PCDH9: variants seen among roughly 807,000 people sequenced by gnomAD.
The protein encoded by PCDH9 is protocadherin 9, also known as protocadherin-9.
In PCDH9, 24 loss-of-function variants were observed where a neutral mutation model predicts 70.6. That is an observed-to-expected ratio of 0.34 (90% CI 0.25 to 0.48). The LOEUF is 0.48. Among genes scored for constraint, PCDH9 ranks in the 20% least tolerant of loss-of-function variants. PCDH9 has a pLI of 0.99. For missense variants in PCDH9, 1,281 were observed against 1,503.6 expected, an observed-to-expected ratio of 0.85 and a Z score of 2.45; for synonymous variants, 562 against 558.5, an observed-to-expected ratio of 1.01 and a Z score of -0.09.
intron 3 of PCDH9, among the ~76,000 whole-genome samples, chr13:66,822,136 G>GCACACACACA (rs10701113): frequency 1.1e-3 from 165 of 149,262 alleles, no homozygotes; most frequent in Middle Eastern, 3.4e-3. Flanking sequence ...TCACACACGC[G>GCACACACACA]CACACACACA....
intron 4 of PCDH9, among the ~76,000 whole-genome samples, chr13:66,566,077 G>T (rs1419098643): frequency 6.6e-6 from 1 of 152,154 alleles, no homozygotes; most frequent in Non-Finnish European, 1.5e-5. Flanking sequence ...ATGCCACAGG[G>T]TGAAGCTAGG....
At chr13:67,049,856 A>G (rs1566389034) in intron 2 of PCDH9, among the ~76,000 whole-genome samples, 1 of 152,230 alleles carries the variant, frequency 6.6e-6, no homozygotes, top group Non-Finnish European at 1.5e-5. Context: ...TGTTCTGCAG[A>G]ACTGCATGCA....
intron 2 of PCDH9, among the ~76,000 whole-genome samples, chr13:66,919,019 C>T (rs2082599711): frequency 6.6e-6 from 1 of 151,210 alleles, no homozygotes; most frequent in Non-Finnish European, 1.5e-5. Context: ...TAATCTCTCC[C>T]CTCCTGTATG....
chr13:66,473,841 T>A (rs1958666911), intron 4 of PCDH9, among the ~76,000 whole-genome samples: 1 of 152,162 alleles, frequency 6.6e-6, no homozygotes, highest in South Asian at 2.1e-4. Context: ...CATATCTGGC[T>A]CTCTATCTCC....
chr13:66,531,313 A>G (rs1291777669), intron 4 of PCDH9, among the ~76,000 whole-genome samples: 2 of 152,036 alleles, frequency 1.3e-5, no homozygotes, highest in Non-Finnish European at 2.9e-5. Context: ...ATTCCTATCG[A>G]GTACAAGAAA....
chr13:66,865,742 G>C (rs886593664), intron 3 of PCDH9, among the ~76,000 whole-genome samples: 3 of 152,182 alleles, frequency 2.0e-5, no homozygotes, highest in Non-Finnish European at 4.4e-5. Context: ...GTGTGGTAGA[G>C]ATCATTTTCA....
intron 3 of PCDH9, among the ~76,000 whole-genome samples, chr13:66,786,214 C>T (rs1346220130): frequency 6.6e-6 from 1 of 152,108 alleles, no homozygotes; most frequent in East Asian, 1.9e-4. Context: ...AGCTGTTTAC[C>T]TATGCTACAT....
intron 4 of PCDH9, among the ~76,000 whole-genome samples, chr13:66,598,708 G>A (rs530609205): frequency 6.6e-6 from 1 of 151,754 alleles, no homozygotes; most frequent in Admixed American, 6.6e-5. Context: ...GCTTAAATTT[G>A]TGCTAGCTTA....
intron 2 of PCDH9, among the ~76,000 whole-genome samples, chr13:67,010,043 C>A (rs867193353): frequency 2.8e-4 from 42 of 152,014 alleles, no homozygotes; most frequent in African/African-American, 9.9e-4. Flanking sequence ...ATGTGAAGAG[C>A]AAGTTAATCA....
At chr13:66,437,647 T>C (rs1470947393) in intron 4 of PCDH9, among the ~76,000 whole-genome samples, 3 of 152,038 alleles carry the variant, frequency 2.0e-5, no homozygotes, top group East Asian at 1.9e-4. Context: ...ATAGTGACTG[T>C]TGGTGAGGAT....
In PCDH9 at chr13:66,779,847, C is replaced by CTATATATATA. The variant is rs1282944249; in HGVS notation, c.3138+123656_3138+123657insTATATATATA. On this transcript the variant is annotated intron_variant, in intron 3 of 4. Coordinates refer to ENST00000377865, the MANE Select transcript of PCDH9 (RefSeq NM_203487.3). ...TCTCTCTCTCTCTCTCTCTCTCTCT[C>CTATATATATA]TCTATATATATATATATATACATAT... 6.0e-3 allele frequency among the ~76,000 whole-genome samples: 359 copies of CTATATATATA among 59,644 alleles called. 1 individual carries two copies. Among genetic ancestry groups the CTATATATATA allele is most frequent in the African/African-American group, 8.3e-3 (130 of 15,646 alleles). The allele number at this position is 59,644 out of a possible 152,430, so 39.1% of individuals were successfully genotyped here.
intron 2 of PCDH9, chr13:66,914,569 A>ATT (rs2082526950): frequency 1.3e-5 from 2 of 151,870 alleles, no homozygotes; most frequent in Non-Finnish European, 2.9e-5. Flanking sequence ...ATGAAGCATA[A>ATT]CTAAGAAACA....
In PCDH9 at chr13:66,706,525, G is replaced by A. The variant is rs1352497188; in HGVS notation, c.3139-75114C>T. The stretch of plus-strand genomic sequence containing the variant: ...CCTGGTAAATATTACATGCTTAACT[G>A]ACATTAACTGCTAGCAGCTGCAGTA... On this transcript the variant is annotated intron_variant, in intron 3 of 4. Coordinates refer to ENST00000377865, the MANE Select transcript of PCDH9 (RefSeq NM_203487.3). Among the ~76,000 whole-genome samples the A allele has an allele frequency of 2.6e-5, 4 of 152,180 alleles. 1 individual carries two copies. The highest frequency in any genetic ancestry group is 2.6e-4 in the Admixed American group (4 of 15,280).
At chr13:66,914,507 A>T (rs1380204154) in intron 2 of PCDH9, 2 of 151,926 alleles carry the variant, frequency 1.3e-5, no homozygotes, top group Non-Finnish European at 2.9e-5. Flanking sequence ...AAACCGAAAG[A>T]GATTACAGAA....
At chr13:66,846,285 C>T (rs2081208397) in intron 3 of PCDH9, among the ~76,000 whole-genome samples, 1 of 152,014 alleles carries the variant, frequency 6.6e-6, no homozygotes, top group Non-Finnish European at 1.5e-5. Context: ...AATAGCAAAA[C>T]CAAATTTTGT....
At chr13:66,589,302 A>G (rs1593738625) in intron 4 of PCDH9, among the ~76,000 whole-genome samples, 1 of 152,048 alleles carries the variant, frequency 6.6e-6, no homozygotes, top group East Asian at 1.9e-4. Flanking sequence ...AGGAATTAAT[A>G]CTAGTGTTTG....
At chr13:67,125,182 A>G (rs1594544918) in intron 2 of PCDH9, among the ~76,000 whole-genome samples, 1 of 152,322 alleles carries the variant, frequency 6.6e-6, no homozygotes, top group East Asian at 1.9e-4. Flanking sequence ...TCTGACACAG[A>G]GAAGACACTC....
chr13:66,595,960 T>G (rs1014395007), intron 4 of PCDH9, among the ~76,000 whole-genome samples: 1 of 151,698 alleles, frequency 6.6e-6, no homozygotes, highest in African/African-American at 2.4e-5. Flanking sequence ...TAAAAATGCA[T>G]AGAATTGTAT....
At chr13:67,169,427 T>G (rs184552764) in intron 2 of PCDH9, among the ~76,000 whole-genome samples, 2 of 152,326 alleles carry the variant, frequency 1.3e-5, no homozygotes, top group African/African-American at 4.8e-5. Context: ...CGTTCCAATT[T>G]TATTGTAAAA....
Sources: gnomAD v4.1 joint callset for allele counts (sites outside exome capture counted in the v4.1 genomes callset) on GRCh38, gnomAD v4.1.1 for gene constraint, MANE v1.5 for transcripts, NCBI Gene and HGNC (gene_info 2026-07-23, HGNC 2026-07-21) for gene names.